Variants in HEMGN observed in about 807,000 individuals in gnomAD.
The protein encoded by HEMGN is hemogen, also known as erythroid differentiation-associated gene protein.
Under a neutral mutation model 45.7 loss-of-function variants are expected in HEMGN, and 32 were observed. The ratio of observed to expected loss-of-function variants is 0.70; its 90% CI spans 0.53 to 0.94. The LOEUF is 0.94. HEMGN is among the 40% of genes least tolerant of loss of function. The pLI, the probability that HEMGN is intolerant of heterozygous loss-of-function variation, is 0.00. For synonymous variants in HEMGN, 183 were observed against 178.6 expected (o/e 1.02, Z -0.20); for missense variants, 530 against 564.2 (o/e 0.94, Z 0.61).
chr9:97,928,112 C>T (rs908581537), intron 3 of HEMGN, among the ~76,000 whole-genome samples: 8 of 151,420 alleles, frequency 5.3e-5, no homozygotes, highest in African/African-American at 1.5e-4. Flanking sequence ...CTGCAAGCTC[C>T]GCCTCCCGGG....
At chr9:97,936,663 C>T (rs1564123255) in intron 1 of HEMGN, among the ~76,000 whole-genome samples, 2 of 152,114 alleles carry the variant, frequency 1.3e-5, no homozygotes, top group Non-Finnish European at 2.9e-5. Context: ...TAGCATACCA[C>T]AATTTTAATC....
At chr9:97,928,025 A>ATTT (rs568022099) in intron 3 of HEMGN, among the ~76,000 whole-genome samples, 10 of 127,470 alleles carry the variant, frequency 7.8e-5, no homozygotes, top group East Asian at 2.2e-4. Context: ...GATCAAGTGT[A>ATTT]TTTTTTTTTT....
At chr9:97,933,851 A>C (rs1268695924) in intron 2 of HEMGN, among the ~76,000 whole-genome samples, 5 of 152,216 alleles carry the variant, frequency 3.3e-5, no homozygotes, top group Non-Finnish European at 7.4e-5. Flanking sequence ...AAGTCCAGCC[A>C]GCTGCCAAGA....
At position 97,930,634 on chromosome 9, in the gene HEMGN, G is replaced by T. The variant is rs547930508; in HGVS notation, c.761C>A (p.Ala254Glu). Residue 254 changes from alanine (A) to glutamate (E), a missense_variant, in exon 3 of 4, where the codon GCA becomes GAA. Transcript: ENST00000616898. ...TGGATATGCTTGAAGAGAGCATCCT[G>T]CCAGATCAGCTGTGTCTTCAGATGT... ...CPTSEDTADL[A>E]GCSLQAYPKP... The T allele has an allele frequency of 1.9e-6, 3 of 1,614,118 alleles. No homozygotes were observed. The highest frequency in any genetic ancestry group is 2.5e-6 in the Non-Finnish European group (3 of 1,179,984).
intron 1 of HEMGN, among the ~76,000 whole-genome samples, chr9:97,943,963 G>A (rs985180798): frequency 6.6e-6 from 1 of 151,972 alleles, no homozygotes; most frequent in East Asian, 1.9e-4. Flanking sequence ...ATGGTGTGGA[G>A]CCTCTCTGAT....
In HEMGN at chr9:97,927,265, C is replaced by T; in HGVS notation, c.*119G>A. On this transcript the variant is annotated 3_prime_UTR_variant, in exon 4 of 4. Transcript: ENST00000616898. Reference sequence around the variant, plus strand: ...TGTTATTTCTTTCAGATATGGTCTACAAATAGAAAAAATAATATTAATGAG... The same window carrying T: ...TGTTATTTCTTTCAGATATGGTCTATAAATAGAAAAAATAATATTAATGAG... 1 of 606,960 alleles carries T rather than the reference C, an allele frequency of 1.6e-6. No homozygotes were observed. 37.6% of individuals were successfully genotyped at this position (606,960 alleles called of 1,614,324 possible).
intron 2 of HEMGN, among the ~76,000 whole-genome samples, chr9:97,932,309 G>T (rs2131553714): frequency 6.6e-6 from 1 of 152,180 alleles, no homozygotes; most frequent in African/African-American, 2.4e-5. Flanking sequence ...TTTAAAAAAA[G>T]TATACCCTGT....
intron 2 of HEMGN, among the ~76,000 whole-genome samples, chr9:97,935,667 C>T (rs538201565): frequency 6.6e-6 from 1 of 152,354 alleles, no homozygotes; most frequent in South Asian, 2.1e-4. Flanking sequence ...ATTGTACCCC[C>T]TTCCTGCATT....
chr9:97,933,171 A>C (rs1421334035), intron 2 of HEMGN, among the ~76,000 whole-genome samples: 1 of 152,200 alleles, frequency 6.6e-6, no homozygotes, highest in Admixed American at 6.5e-5. Flanking sequence ...TGTAAGTGAA[A>C]TGAGGTAAAT....
intron 2 of HEMGN, 37 bp downstream of exon 2, chr9:97,936,134 A>G (rs778446372): frequency 7.6e-7 from 1 of 1,315,540 alleles, no homozygotes; most frequent in Non-Finnish European, 1.1e-6. Context: ...TCCTCAATAA[A>G]TATATTAGTT....
At chr9:97,940,691 C>T (rs577379069), upstream of HEMGN, among the ~76,000 whole-genome samples, 2 of 152,218 alleles carry the variant, frequency 1.3e-5, no homozygotes, top group African/African-American at 2.4e-5. Context: ...CAAATGCTGC[C>T]TTGTTCTAGA....
chr9:97,936,371 T>C (rs1359713444), intron 1 of HEMGN, 107 bp from the exon 2 acceptor site: 1 of 744,630 alleles, frequency 1.3e-6, no homozygotes, highest in African/African-American at 1.7e-5. Context: ...TTCTCCTAGC[T>C]TTTTGAGGAC....
Position 97,930,382 on chromosome 9 carries a change from G to A in HEMGN, c.1013C>T (p.Pro338Leu). The A allele has an allele frequency of 1.2e-6, 2 of 1,613,798 alleles. No homozygotes were observed. The highest frequency in any genetic ancestry group is 1.7e-6 in the Non-Finnish European group (2 of 1,179,856). Reference protein sequence around the residue: ...TCNEIIVPKAPSHKTIQETPH... With the variant: ...TCNEIIVPKALSHKTIQETPH... Reference sequence around the variant, plus strand: ...TGTTTCTTGGATTGTTTTATGAGAGGGGGCTTTAGGCACAATAATTTCGTT... The same window carrying A: ...TGTTTCTTGGATTGTTTTATGAGAGAGGGCTTTAGGCACAATAATTTCGTT... Residue 338 changes from proline to leucine, a missense_variant, in exon 3 of 4, where the codon CCC becomes CTC. Physicochemically the swap from Pro to Leu is moderately conservative, Grantham distance 98. Transcript: ENST00000616898.
Position 97,928,065 on chromosome 9 carries a change from C to T in HEMGN, c.1361-587G>A, listed in dbSNP as rs1193995891. ...TTTTTGAGCCGGAGTCTCGCTCTGT[C>T]GCCCAGGCTGGAGTGCAGTGGCGCG... On this transcript the variant is annotated intron_variant, in intron 3 of 3. Transcript: ENST00000616898. Among the ~76,000 whole-genome samples, 34 of 143,368 alleles carry T rather than the reference C, an allele frequency of 2.4e-4. 1 individual carries two copies. Among genetic ancestry groups the T allele is most frequent in the African/African-American group, 8.9e-4 (34 of 38,274 alleles). The allele number at this position is 143,368 out of a possible 152,430, so 94.1% of individuals were successfully genotyped here. A position where few individuals can be genotyped will look rare whatever the true frequency, so the allele number is the denominator to read the frequency against.
intron 3 of HEMGN, among the ~76,000 whole-genome samples, chr9:97,929,714 G>A (rs1826904898): frequency 6.6e-6 from 1 of 152,146 alleles, no homozygotes; most frequent in Non-Finnish European, 1.5e-5. Context: ...AAGCTTTCTT[G>A]TTAATGTAGA....
chr9:97,941,304 A>G (rs1014020607), upstream of HEMGN, among the ~76,000 whole-genome samples: 1 of 152,110 alleles, frequency 6.6e-6, no homozygotes, highest in Non-Finnish European at 1.5e-5. Flanking sequence ...AAATGGCCCA[A>G]GGAGGGGAGT....
chr9:97,943,098 T>C (rs1827175794), upstream of HEMGN, among the ~76,000 whole-genome samples: 1 of 152,162 alleles, frequency 6.6e-6, no homozygotes, highest in Non-Finnish European at 1.5e-5. Flanking sequence ...TTTCTTCCCT[T>C]GTAAAATAGA....
At position 97,927,306 on chromosome 9, in the gene HEMGN, T is replaced by C; in HGVS notation, c.*78A>G. On this transcript the variant is annotated 3_prime_UTR_variant, in exon 4 of 4. Transcript: ENST00000616898. ...TATTAATGAGCATTGTCAAAAGTTT[T>C]ACAATATTTTGAGAAAATCACGCAT... 1 of 789,998 alleles carries C rather than the reference T, an allele frequency of 1.3e-6. No individual in the cohort carries two copies. The highest frequency in any genetic ancestry group is 2.1e-6 in the Non-Finnish European group (1 of 477,454). 48.9% of individuals were successfully genotyped at this position (789,998 alleles called of 1,614,324 possible).
At position 97,930,242 on chromosome 9, in the gene HEMGN, A is replaced by G. The variant is rs765624587; in HGVS notation, c.1153T>C (p.Tyr385His). The stretch of plus-strand genomic sequence containing the variant: ...TCTTCAAGCTGGGATGTTTCTTGGT[A>G]TATTTCAGGTGAATATTCTTCAAGC... ...PGLEEYSPEI[Y>H]QETSQLEEYS... The change falls in exon 3 of 4, where the codon TAC becomes CAC. Residue 385 changes from tyrosine to histidine, a missense_variant. Physicochemically the swap from Tyr to His is moderately conservative, Grantham distance 83. Transcript: ENST00000616898. 4 of 1,613,982 alleles carry G rather than the reference A, an allele frequency of 2.5e-6. No individual in the cohort carries two copies. Among genetic ancestry groups the G allele is most frequent in the South Asian group, 2.2e-5 (2 of 91,080 alleles).
Sources: allele counts gnomAD v4.1 joint callset (sites outside exome capture counted in the v4.1 genomes callset), GRCh38; gene constraint gnomAD v4.1.1; transcripts MANE v1.5; gene names NCBI Gene and HGNC (gene_info 2026-07-23, HGNC 2026-07-21).